SGSM3: variants seen among roughly 807,000 people sequenced by gnomAD.
SGSM3 encodes RUN and SH3 containing 3.
SGSM3 carries 96 observed loss-of-function variants against 100.5 expected under a neutral mutation model. That is an observed-to-expected ratio of 0.96 (90% CI 0.81 to 1.13). SGSM3 has a LOEUF of 1.13. Among genes scored for constraint, SGSM3 ranks in the 50% most tolerant of loss-of-function variants. SGSM3 has a pLI of 0.00. For missense variants in SGSM3, 1,001 were observed against 1,015.8 expected (o/e 0.99, Z 0.20); for synonymous variants, 483 against 422.8 (o/e 1.14, Z -1.75).
chr22:40,401,631 A>C lies in SGSM3; in HGVS notation c.46A>C (p.Thr16Pro). The change falls in exon 3 of 22, where the codon ACT becomes CCT. Residue 16 changes from threonine (T) to proline (P), a missense_variant. By Grantham distance (38) the Thr-to-Pro change is conservative (BLOSUM62 -1). Transcript: ENST00000248929. Reference protein sequence around the residue: ...TPACGPFSALTPSIWPQEILA... With the variant: ...TPACGPFSALPPSIWPQEILA... ...TGCCTGTGGCCCTTTCTCAGCCCTG[A>C]CTCCGAGCATATGGCCCCAGGAGAT... 6.2e-7 allele frequency: 1 copy of C among 1,613,260 alleles called. No individual in the cohort carries two copies. The highest frequency in any genetic ancestry group is 8.5e-7 in the Non-Finnish European group (1 of 1,179,528).
At chr22:40,405,003 A>T (rs1180502224) in intron 6 of SGSM3, 138 bp from the exon 7 acceptor site, 18 of 1,194,782 alleles carry the variant, frequency 1.5e-5, no homozygotes, top group Non-Finnish European at 1.4e-5. Context: ...CTGGGAGCTG[A>T]CCCTGAAGGG....
At position 40,407,592 on chromosome 22, in the gene SGSM3, A is replaced by G; in HGVS notation, c.1524+24A>G. 1 of 1,598,636 alleles carries G rather than the reference A, an allele frequency of 6.3e-7. No homozygotes were observed. Among genetic ancestry groups the G allele is most frequent in the Non-Finnish European group, 8.5e-7 (1 of 1,176,748 alleles). The stretch of plus-strand genomic sequence containing the variant: ...CAGTGCGTGGGGGCGCTGGACTACC[A>G]GGTCCTCAGGCTGTGGCGGGTTCCC... On this transcript the variant is annotated intron_variant, in intron 13 of 21. Transcript: ENST00000248929. The surrounding 1 kb of genome is among the most constrained non-coding windows in gnomAD (Gnocchi z 4.7).
chr22:40,373,989 C>T (rs1310357561), intron 1 of SGSM3, among the ~76,000 whole-genome samples: 1 of 150,498 alleles, frequency 6.6e-6, no homozygotes, highest in African/African-American at 2.5e-5. Flanking sequence ...CCCTCTGTCG[C>T]CCAGGCTTGA....
At position 40,405,711 on chromosome 22, in the gene SGSM3, C is replaced by T; in HGVS notation, c.681C>T (p.Ile227=). Residue 227 remains isoleucine (I), a synonymous_variant, in exon 8 of 22, where the codon ATC becomes ATT. Coordinates refer to ENST00000248929, the MANE Select transcript of SGSM3 (RefSeq NM_015705.6). ...EEDAFWMMSA[I]IEDLLPASYF... ...ACGCCTTCTGGATGATGTCTGCCAT[C>T]ATCGAGGACCTGCTCCCCGCCTCCT... 1 of 1,613,884 alleles carries T rather than the reference C, an allele frequency of 6.2e-7. No individual in the cohort carries two copies. Among genetic ancestry groups the T allele is most frequent in the Non-Finnish European group, 8.5e-7 (1 of 1,179,994 alleles).
At position 40,405,228 on chromosome 22, in the gene SGSM3, C is replaced by T; in HGVS notation, c.562C>T (p.Leu188Phe). 3 of 1,576,410 alleles carry T rather than the reference C, an allele frequency of 1.9e-6. No individual in the cohort carries two copies. Among genetic ancestry groups the T allele is most frequent in the Non-Finnish European group, 1.7e-6 (2 of 1,160,632 alleles). Reference sequence around the variant, plus strand: ...CGGGGTGCCCCGCCTGCGCAGGGTGCTCCGGGCCCTGGCCTGGCTCTACCC... The same window carrying T: ...CGGGGTGCCCCGCCTGCGCAGGGTGTTCCGGGCCCTGGCCTGGCTCTACCC... ...SIGVPRLRRV[L>F]RALAWLYPEI... is the part of the protein sequence containing the mutation. Residue 188 changes from leucine to phenylalanine, a missense_variant, in exon 7 of 22, where the codon CTC (leucine) becomes TTC (phenylalanine). Coordinates refer to ENST00000248929, the MANE Select transcript of SGSM3 (RefSeq NM_015705.6).
intron 4 of SGSM3, among the ~76,000 whole-genome samples, chr22:40,403,004 C>G (rs1194609537): frequency 6.6e-6 from 1 of 152,148 alleles, no homozygotes; most frequent in Non-Finnish European, 1.5e-5. Context: ...CCTTGTTCTT[C>G]TGATTCGTAG....
intron 6 of SGSM3, among the ~76,000 whole-genome samples, chr22:40,404,923 G>A (rs536284592): frequency 7.2e-4 from 110 of 152,242 alleles, no homozygotes; most frequent in Non-Finnish European, 1.2e-3. Context: ...TCCAGGCCTC[G>A]GGCCACACGT....
chr22:40,400,965 A>G, intron 2 of SGSM3, 152 bp downstream of exon 2: 1 of 735,700 alleles, frequency 1.4e-6, no homozygotes, highest in South Asian at 2.0e-5. Context: ...AAAGTTATTA[A>G]AACTTCCTTC....
intron 10 of SGSM3, 142 bp from the exon 11 acceptor site, chr22:40,406,875 G>A: frequency 1.0e-6 from 1 of 976,050 alleles, no homozygotes; most frequent in East Asian, 2.6e-5. Flanking sequence ...TGGGAGGAAG[G>A]CAGACCCAGC....
intron 7 of SGSM3, 63 bp from the exon 8 acceptor site, chr22:40,405,586 G>A (rs2051372965): frequency 1.4e-6 from 2 of 1,478,414 alleles, no homozygotes; most frequent in East Asian, 2.3e-5. Flanking sequence ...CTAGGGTAGG[G>A]GCACCTTTTC....
chr22:40,376,709 AT>A (rs909002467), intron 1 of SGSM3, among the ~76,000 whole-genome samples: 2 of 138,726 alleles, frequency 1.4e-5, no homozygotes, highest in Non-Finnish European at 3.1e-5. Context: ...TTTGCTAAAG[AT>A]TGGTGGAGTC....
At chr22:40,376,830 A>G (rs1453692446) in intron 1 of SGSM3, among the ~76,000 whole-genome samples, 6 of 152,196 alleles carry the variant, frequency 3.9e-5, no homozygotes, top group Admixed American at 3.9e-4. Context: ...AGTTTTGAAG[A>G]TTAAATAAAA....
At chr22:40,409,650 G>A (rs1186495218) in intron 21 of SGSM3, 32 bp from the exon 22 acceptor site, 3 of 1,613,078 alleles carry the variant, frequency 1.9e-6, no homozygotes, top group Non-Finnish European at 2.5e-6. Flanking sequence ...CATGCCCAAG[G>A]CCTGTGAGGT....
Position 40,408,516 on chromosome 22 carries a change from CAG to C in SGSM3, c.1782+92_1782+93del, listed in dbSNP as rs1398529191. ...CCCATCTTAGGTCCTTCCTGCCCCACAGAGAGGATGGGAAGAGCTGGCAGCGT... is the reference window on the plus strand; with the variant it reads ...CCCATCTTAGGTCCTTCCTGCCCCACAGAGGATGGGAAGAGCTGGCAGCGT... On this transcript the variant is annotated intron_variant, in intron 16 of 21. Transcript: ENST00000248929. 11 of 1,591,098 alleles carry C rather than the reference CAG, an allele frequency of 6.9e-6. No individual in the cohort carries two copies. The East Asian group carries it at 2.2e-4, about 32-fold the overall frequency.
At chr22:40,395,494 G>A (rs1311359344) in intron 1 of SGSM3, among the ~76,000 whole-genome samples, 2 of 151,998 alleles carry the variant, frequency 1.3e-5, no homozygotes, top group African/African-American at 4.8e-5. Context: ...GCTAATTTTT[G>A]TAATTTTAGT....
intron 1 of SGSM3, 48 bp from the exon 2 acceptor site, chr22:40,400,648 A>T (rs1473928567): frequency 2.6e-6 from 2 of 766,638 alleles, no homozygotes; most frequent in Admixed American, 2.8e-5. Flanking sequence ...TGTCTAAAAA[A>T]AAATAAAAAT....
rs1260065899 is a variant in SGSM3 at position 40,398,266 on chromosome 22, C to CAAGATGTCTTTACTT, written c.-111-2430_-111-2429insAAGATGTCTTTACTT. On this transcript the variant is annotated intron_variant, in intron 1 of 21. Transcript: ENST00000248929. Reference sequence around the variant, plus strand: ...ACAGGCGTGAGCCACCGGGCCCAGCCTGTCATCTGATTCTCTAATGTAAGG... The same window carrying CAAGATGTCTTTACTT: ...ACAGGCGTGAGCCACCGGGCCCAGCCAAGATGTCTTTACTTTGTCATCTGATTCTCTAATGTAAGG... Among the ~76,000 whole-genome samples the CAAGATGTCTTTACTT allele has an allele frequency of 1.6e-3, 223 of 142,192 alleles. 2 individuals are homozygous for CAAGATGTCTTTACTT. The highest frequency in any genetic ancestry group is 3.5e-3 in the Middle Eastern group (1 of 282). The allele number at this position is 142,192 out of a possible 152,430, so 93.3% of individuals were successfully genotyped here.
At position 40,402,136 on chromosome 22, in the gene SGSM3, TAG is replaced by T. The variant is rs1569196831; in HGVS notation, c.91-1_91del. ...ACTGACTTCAACCTCATCCTGATTC[TAG>T]AAGGAAGAGTCAGCAGAGCAACCAG... On this transcript the variant is annotated splice_acceptor_variant, in intron 3 of 21. Transcript: ENST00000248929. LOFTEE classifies it high-confidence loss of function. The T allele has an allele frequency of 1.2e-6, 2 of 1,612,764 alleles. No homozygotes were observed. The highest frequency in any genetic ancestry group is 1.7e-6 in the Non-Finnish European group (2 of 1,178,698).
intron 1 of SGSM3, among the ~76,000 whole-genome samples, chr22:40,387,740 G>A (rs937544050): frequency 6.6e-6 from 1 of 152,080 alleles, no homozygotes; most frequent in Non-Finnish European, 1.5e-5. Flanking sequence ...TATCCTTTCC[G>A]GAAACTGCCA....
Sources: allele counts gnomAD v4.1 joint callset (sites outside exome capture counted in the v4.1 genomes callset), GRCh38; gene constraint gnomAD v4.1.1; non-coding constraint Gnocchi (gnomAD v3.1); transcripts MANE v1.5; gene names NCBI Gene and HGNC (gene_info 2026-07-23, HGNC 2026-07-21).